COL11A1: variants seen among roughly 807,000 people sequenced by gnomAD.
COL11A1 encodes collagen type XI alpha 1 chain, also known as collagen alpha-1(XI) chain.
A neutral mutation model predicts 265.2 loss-of-function variants in COL11A1; 74 were observed. The ratio of observed to expected loss-of-function variants is 0.28; its 90% CI spans 0.23 to 0.34. COL11A1 has a LOEUF of 0.34. COL11A1 is among the 10% of genes least tolerant of loss of function. The probability of loss-of-function intolerance (pLI) is 1.00; values close to 1 mark genes in which losing one functional copy is unlikely to be tolerated. For synonymous variants in COL11A1, 816 were observed against 727.6 expected, an observed-to-expected ratio of 1.12 and a Z score of -1.96; for missense variants, 2,165 against 2,263.6, an observed-to-expected ratio of 0.96 and a Z score of 0.88.
intron 51 of COL11A1, 22 bp from the exon 52 acceptor site, chr1:102,914,427 A>G: frequency 6.3e-7 from 1 of 1,587,178 alleles, no homozygotes; most frequent in Non-Finnish European, 8.6e-7. Flanking sequence ...TTTTGAAAGA[A>G]AAAGAAATAA....
chr1:103,002,597 C>A, intron 22 of COL11A1, 116 bp from the exon 23 acceptor site: 1 of 1,144,246 alleles, frequency 8.7e-7, no homozygotes, highest in East Asian at 2.5e-5. Context: ...TCATGAGATT[C>A]TGGAAAATAT....
intron 54 of COL11A1, among the ~76,000 whole-genome samples, chr1:102,907,132 T>G (rs577008093): frequency 1.6e-3 from 250 of 152,220 alleles, no homozygotes; most frequent in Non-Finnish European, 3.1e-3. Flanking sequence ...TGAAAATGAA[T>G]GTGAATAGCT....
chr1:103,016,221 T>C (rs921098753), intron 11 of COL11A1, among the ~76,000 whole-genome samples: 2 of 151,934 alleles, frequency 1.3e-5, no homozygotes, highest in Non-Finnish European at 2.9e-5. Context: ...TATATTTTAA[T>C]AGACAATAGA....
chr1:102,955,513 T>A (rs1057246572), intron 41 of COL11A1, among the ~76,000 whole-genome samples: 8 of 152,168 alleles, frequency 5.3e-5, no homozygotes, highest in African/African-American at 1.9e-4. Flanking sequence ...CTCCTAGGGA[T>A]AAAATATACA....
chr1:103,052,072 A>T (rs1416360121), intron 4 of COL11A1, among the ~76,000 whole-genome samples: 3 of 152,172 alleles, frequency 2.0e-5, no homozygotes, highest in African/African-American at 7.2e-5. Context: ...ATATCCTAAC[A>T]GTCCCCAAGA....
chr1:103,041,920 T>C (rs529722020), intron 4 of COL11A1, among the ~76,000 whole-genome samples: 2 of 152,170 alleles, frequency 1.3e-5, no homozygotes, highest in African/African-American at 4.8e-5. Flanking sequence ...AACATTGTTG[T>C]ATAACAATAT....
chr1:102,909,739 C>A (rs1036954209), intron 54 of COL11A1, among the ~76,000 whole-genome samples: 5 of 151,912 alleles, frequency 3.3e-5, no homozygotes, highest in Non-Finnish European at 4.4e-5. Context: ...TGTTGTAGAG[C>A]AAATATATAA....
chr1:103,067,613 A>T (rs1277386749), intron 4 of COL11A1, among the ~76,000 whole-genome samples: 3 of 151,718 alleles, frequency 2.0e-5, no homozygotes, highest in African/African-American at 7.2e-5. Flanking sequence ...GGAAAAAATA[A>T]TTATGAAATA....
chr1:102,998,294 G>A lies in COL11A1; in HGVS notation c.2196+16C>T. 2 of 1,601,428 alleles carry A rather than the reference G, an allele frequency of 1.2e-6. No homozygotes were observed. Among genetic ancestry groups the A allele is most frequent in the Non-Finnish European group, 1.7e-6 (2 of 1,170,950 alleles). Reference sequence around the variant, plus strand: ...TAATGTAAAGAAATTTTAATGACCAGGTAGCTGTTACTTACAGGAGGCCCA... The same window carrying A: ...TAATGTAAAGAAATTTTAATGACCAAGTAGCTGTTACTTACAGGAGGCCCA... On this transcript the variant is annotated intron_variant, in intron 25 of 66. Transcript: ENST00000370096.
At chr1:103,018,709 T>A in intron 10 of COL11A1, 109 bp downstream of exon 10, 1 of 888,534 alleles carries the variant, frequency 1.1e-6, no homozygotes. Context: ...TGTTTTTCTC[T>A]ATAATTCAAT....
chr1:102,958,306 C>T (rs1355969440), intron 41 of COL11A1, among the ~76,000 whole-genome samples: 3 of 151,878 alleles, frequency 2.0e-5, no homozygotes, highest in African/African-American at 7.3e-5. Context: ...TAAAGAAATC[C>T]CTACTCCTGA....
rs2622845 is a variant in COL11A1, at chr1:102,979,471, C to T, written c.2557-36G>A. On this transcript the variant is annotated intron_variant, in intron 31 of 66. Transcript: ENST00000370096. ...AAAAGTAAATAATGAATAAACATGG[C>T]AATTAACATTTTCAGTCACAAGATG... The T allele has an allele frequency of 1.0e-5, 14 of 1,380,998 alleles. No homozygotes were observed. In the East Asian group the frequency reaches 2.5e-4, roughly 25 times the overall value. 85.5% of individuals were successfully genotyped at this position (1,380,998 alleles called of 1,614,324 possible).
rs1010188795 is a variant in COL11A1 at position 102,877,993 on chromosome 1, G to C, written c.*26C>G. The stretch of plus-strand genomic sequence containing the variant: ...GTGGCACCAAGGTATATTTTCTGTT[G>C]ATTTGATATGTTCTTTGTCTTAATC... On this transcript the variant is annotated 3_prime_UTR_variant, in exon 67 of 67. Transcript: ENST00000370096. 5 of 1,611,970 alleles carry C rather than the reference G, an allele frequency of 3.1e-6. No individual in the cohort carries two copies. The African/African-American group carries it at 5.3e-5, about 17-fold the overall frequency.
At chr1:102,900,423 A>G (rs1024131420) in intron 54 of COL11A1, among the ~76,000 whole-genome samples, 1 of 152,180 alleles carries the variant, frequency 6.6e-6, no homozygotes, top group Non-Finnish European at 1.5e-5. Context: ...TAACATATGC[A>G]AAGTAGATAC....
intron 52 of COL11A1, 88 bp from the exon 53 acceptor site, chr1:102,913,778 C>G (rs1654984612): frequency 8.5e-7 from 1 of 1,171,760 alleles, no homozygotes; most frequent in Non-Finnish European, 1.3e-6. Context: ...GTTAGGCCAT[C>G]TCTTGAGAAA....
At position 103,052,756 on chromosome 1, in the gene COL11A1, C is replaced by A. The variant is rs564364739; in HGVS notation, c.652-21512G>T. ...CTTAGCCATTTCTGGGTAAAGCATT[C>A]ATTCATGCATTTACTAATCTTTATT... On this transcript the variant is annotated intron_variant, in intron 4 of 66. Transcript: ENST00000370096. Among the ~76,000 whole-genome samples, 3 of 152,264 alleles carry A rather than the reference C, an allele frequency of 2.0e-5. No individual in the cohort carries two copies. In the East Asian group the frequency reaches 5.8e-4, roughly 29 times the overall value.
In COL11A1 at chr1:102,925,725, A is replaced by G. The variant is rs944780562; in HGVS notation, c.3601-2336T>C. ...AATCAGTCAATTTCAGAAATTCAAA[A>G]TCTGAATTTGATGAAACACATAAAC... is the stretch of plus-strand genomic sequence containing the variant. On this transcript the variant is annotated intron_variant, in intron 46 of 66. Coordinates refer to ENST00000370096, the MANE Select transcript of COL11A1 (RefSeq NM_001854.4). Among the ~76,000 whole-genome samples the G allele has an allele frequency of 3.9e-5, 6 of 152,110 alleles. 1 individual carries two copies. The highest frequency in any genetic ancestry group is 2.6e-4 in the Admixed American group (4 of 15,274).
intron 1 of COL11A1, among the ~76,000 whole-genome samples, chr1:103,084,264 CT>C (rs1571242759): frequency 6.6e-6 from 1 of 152,244 alleles, no homozygotes; most frequent in South Asian, 2.1e-4. Flanking sequence ...CTCCTACCCC[CT>C]GACAACCTCT....
chr1:103,098,077 AAG>A (rs1673930938), intron 1 of COL11A1, among the ~76,000 whole-genome samples: 2 of 152,014 alleles, frequency 1.3e-5, no homozygotes. Flanking sequence ...TGTTAAAAAA[AAG>A]ATGTATTATA....
Sources: allele counts gnomAD v4.1 joint callset (sites outside exome capture counted in the v4.1 genomes callset), GRCh38; gene constraint gnomAD v4.1.1; transcripts MANE v1.5; gene names NCBI Gene and HGNC (gene_info 2026-07-23, HGNC 2026-07-21).